Variants in RANBP17 observed in about 807,000 individuals in gnomAD.
RANBP17 encodes the protein ran-binding protein 17.
Under a neutral mutation model 141.2 loss-of-function variants are expected in RANBP17, and 158 were observed. That is an observed-to-expected ratio of 1.12 (90% confidence interval 0.98 to 1.28). The LOEUF (loss-of-function observed/expected upper bound fraction) is 1.28, where lower values mean the gene tolerates loss of function less well. Ranked by LOEUF, RANBP17 falls within the 50% of genes most tolerant of loss-of-function variation. The pLI, the probability that RANBP17 is intolerant of heterozygous loss-of-function variation, is 0.00. For synonymous variants in RANBP17, 430 were observed against 450.0 expected (o/e 0.96, Z 0.56); for missense variants, 1,438 against 1,290.7 (o/e 1.11, Z -1.75).
intron 14 of RANBP17, among the ~76,000 whole-genome samples, chr5:171,056,456 A>C (rs986491021): frequency 2.0e-5 from 3 of 152,206 alleles, no homozygotes; most frequent in Non-Finnish European, 4.4e-5. Context: ...TAATGATTTT[A>C]TGTAACAATT....
chr5:171,240,448 T>A (rs2127995737), intron 22 of RANBP17, among the ~76,000 whole-genome samples: 1 of 152,284 alleles, frequency 6.6e-6, no homozygotes, highest in South Asian at 2.1e-4. Flanking sequence ...ATACCAAACC[T>A]GTGAGGCTCC....
chr5:171,178,667 G>T (rs1760679763), intron 16 of RANBP17, among the ~76,000 whole-genome samples: 1 of 152,186 alleles, frequency 6.6e-6, no homozygotes, highest in East Asian at 1.9e-4. Context: ...TTTCTCCACA[G>T]CCTTGCCAGC....
At chr5:170,918,371 A>G in intron 9 of RANBP17, 1 of 159,010 alleles carries the variant, frequency 6.3e-6, no homozygotes, top group Non-Finnish European at 1.3e-5. Flanking sequence ...AGTATTTTCC[A>G]GGTCCTTTGT....
chr5:171,254,151 G>T, intron 24 of RANBP17, among the ~76,000 whole-genome samples: 1 of 151,762 alleles, frequency 6.6e-6, no homozygotes, highest in East Asian at 1.9e-4. Context: ...GGAGGCTGAG[G>T]CAGGAGAATC....
intron 14 of RANBP17, among the ~76,000 whole-genome samples, chr5:171,024,311 A>G (rs963524417): frequency 6.6e-6 from 1 of 152,192 alleles, no homozygotes; most frequent in Non-Finnish European, 1.5e-5. Flanking sequence ...GCCTTGTAAT[A>G]AAAAACAGGA....
intron 14 of RANBP17, among the ~76,000 whole-genome samples, chr5:171,099,781 G>A (rs1485642989): frequency 2.0e-5 from 3 of 152,036 alleles, no homozygotes; most frequent in African/African-American, 7.2e-5. Flanking sequence ...TGTTCCGTCA[G>A]TTCCTAATTT....
intron 14 of RANBP17, among the ~76,000 whole-genome samples, chr5:170,977,661 TAAAAAGGAATG>T (rs1430209883): frequency 2.0e-5 from 3 of 151,996 alleles, no homozygotes; most frequent in Non-Finnish European, 4.4e-5. Flanking sequence ...TATTCAGCCA[TAAAAAGGAATG>T]AAGTACTGAT....
intron 19 of RANBP17, among the ~76,000 whole-genome samples, chr5:171,202,624 C>T (rs1392465391): frequency 6.6e-6 from 1 of 152,124 alleles, no homozygotes; most frequent in Non-Finnish European, 1.5e-5. Flanking sequence ...AGGTTATTGC[C>T]TTAATTCTGG....
At chr5:171,116,972 T>G (rs534316433) in intron 14 of RANBP17, among the ~76,000 whole-genome samples, 1 of 152,348 alleles carries the variant, frequency 6.6e-6, no homozygotes, top group South Asian at 2.1e-4. Flanking sequence ...GTTGCATCCA[T>G]GATTCTGTGA....
intron 14 of RANBP17, among the ~76,000 whole-genome samples, chr5:170,987,575 C>T (rs1362450481): frequency 3.3e-5 from 5 of 151,486 alleles, no homozygotes; most frequent in Non-Finnish European, 4.4e-5. Flanking sequence ...CCGCTTCCCA[C>T]TTTTTTATCC....
rs567334505 is a variant in RANBP17, at chr5:170,966,915, T to G, written c.1575-1327T>G. ...CACACCAATAACAGACAAACAGAGA[T>G]CCAAATCATGAGTGAACTCCCATTC... On this transcript the variant is annotated intron_variant, in intron 13 of 27. Coordinates refer to ENST00000523189, the MANE Select transcript of RANBP17 (RefSeq NM_022897.5). Among the ~76,000 whole-genome samples, 16 of 152,032 alleles carry G rather than the reference T, an allele frequency of 1.1e-4. No homozygotes were observed. The East Asian group carries it at 1.2e-3, about 11-fold the overall frequency.
intron 14 of RANBP17, among the ~76,000 whole-genome samples, chr5:171,120,262 T>C (rs1376317432): frequency 2.6e-5 from 4 of 152,218 alleles, no homozygotes; most frequent in Non-Finnish European, 4.4e-5. Context: ...TGGGTCAGAC[T>C]TGAAGCCAGC....
chr5:171,163,178 G>A (rs1175169682), intron 14 of RANBP17, among the ~76,000 whole-genome samples: 1 of 152,054 alleles, frequency 6.6e-6, no homozygotes, highest in African/African-American at 2.4e-5. Context: ...AGATTTTTCT[G>A]TCTAATTTCA....
At chr5:170,937,021 TC>T (rs1383844446) in intron 12 of RANBP17, among the ~76,000 whole-genome samples, 5 of 152,370 alleles carry the variant, frequency 3.3e-5, no homozygotes, top group African/African-American at 1.2e-4. Context: ...CCTGCCTGTG[TC>T]TTTATATTTA....
At chr5:171,035,416 C>G (rs1392303077) in intron 14 of RANBP17, among the ~76,000 whole-genome samples, 1 of 152,076 alleles carries the variant, frequency 6.6e-6, no homozygotes, top group Non-Finnish European at 1.5e-5. Context: ...AGAGGTGGTT[C>G]TAAGTCAAAT....
chr5:171,149,800 A>G (rs932255641), intron 14 of RANBP17, among the ~76,000 whole-genome samples: 1 of 152,230 alleles, frequency 6.6e-6, no homozygotes, highest in Non-Finnish European at 1.5e-5. Flanking sequence ...AGAAAGACAC[A>G]TTTTTCCACC....
At position 171,129,328 on chromosome 5, in the gene RANBP17, A is replaced by G. The variant is rs114488969; in HGVS notation, c.1711-40802A>G. ...ACCACACATTTGTTGCAAAAATGCA[A>G]TCTGTTTCTACTACCTGACTCGGGT... On this transcript the variant is annotated intron_variant, in intron 14 of 27. Coordinates refer to ENST00000523189, the MANE Select transcript of RANBP17 (RefSeq NM_022897.5). Among the ~76,000 whole-genome samples, 956 of 152,252 alleles carry G rather than the reference A, an allele frequency of 6.3e-3. 10 individuals carry two copies. Among genetic ancestry groups the G allele is most frequent in the Non-Finnish European group, 9.6e-3 (650 of 67,996 alleles).
intron 14 of RANBP17, among the ~76,000 whole-genome samples, chr5:171,143,654 T>C (rs893517836): frequency 6.6e-6 from 1 of 152,216 alleles, no homozygotes; most frequent in Non-Finnish European, 1.5e-5. Flanking sequence ...CTATTGAATA[T>C]CTGCTGTATC....
At chr5:171,167,280 T>C (rs979524336) in intron 14 of RANBP17, among the ~76,000 whole-genome samples, 1 of 152,142 alleles carries the variant, frequency 6.6e-6, no homozygotes, top group African/African-American at 2.4e-5. Flanking sequence ...GTTAAAATGT[T>C]TGAAATGTTT....
Sources: gnomAD v4.1 joint callset for allele counts (sites outside exome capture counted in the v4.1 genomes callset) on GRCh38, gnomAD v4.1.1 for gene constraint, MANE v1.5 for transcripts, NCBI Gene and HGNC (gene_info 2026-07-23, HGNC 2026-07-21) for gene names.